MITF: variants seen among roughly 807,000 people sequenced by gnomAD.
MITF encodes melanocyte inducing transcription factor.
A neutral mutation model predicts 60.5 loss-of-function variants in MITF; 17 were observed. That is an observed-to-expected ratio of 0.28 (90% CI 0.19 to 0.42). The LOEUF (loss-of-function observed/expected upper bound fraction) is 0.42. Ranked by LOEUF, MITF falls within the 10% of genes least tolerant of loss-of-function variation. The pLI is 1.00. For missense variants in MITF, 622 were observed against 683.5 expected (o/e 0.91, Z 1.00); for synonymous variants, 260 against 248.5 (o/e 1.05, Z -0.43).
At chr3:69,763,607 C>A in intron 1 of MITF, 1 of 1,209,648 alleles carries the variant, frequency 8.3e-7, no homozygotes, top group South Asian at 1.9e-5. Flanking sequence ...TGTGGCAGAA[C>A]GTCTGCAATC....
chr3:69,875,463 T>A (rs1390187494), intron 1 of MITF, among the ~76,000 whole-genome samples: 1 of 152,172 alleles, frequency 6.6e-6, no homozygotes, highest in Non-Finnish European at 1.5e-5. Flanking sequence ...CACCTGGCAA[T>A]AACTATTTGT....
At chr3:69,782,267 G>A (rs987496514) in intron 1 of MITF, among the ~76,000 whole-genome samples, 2 of 152,200 alleles carry the variant, frequency 1.3e-5, no homozygotes, top group African/African-American at 2.4e-5. Flanking sequence ...CCCCTGACCT[G>A]TGGCTTCATA....
chr3:69,771,178 C>T (rs2062388089), intron 1 of MITF, among the ~76,000 whole-genome samples: 1 of 151,508 alleles, frequency 6.6e-6, no homozygotes. Flanking sequence ...GCCAGAGAGA[C>T]TTGGGCAACA....
chr3:69,892,023 A>G lies in MITF; in HGVS notation c.354+12640A>G, dbSNP rs539661607. On this transcript the variant is annotated intron_variant, in intron 2 of 9. Transcript: ENST00000352241. Reference sequence around the variant, plus strand: ...GGCCTTTCCAGGAACTCTGAGGGTCAGTGAATCCATTTGTCCACAAATATT... The same window carrying G: ...GGCCTTTCCAGGAACTCTGAGGGTCGGTGAATCCATTTGTCCACAAATATT... Among the ~76,000 whole-genome samples the G allele has an allele frequency of 2.0e-5, 3 of 152,360 alleles. 1 individual carries two copies. The highest frequency in any genetic ancestry group is 7.2e-5 in the African/African-American group (3 of 41,598).
chr3:69,943,916 A>C (rs1472901352), intron 5 of MITF, among the ~76,000 whole-genome samples: 1 of 152,008 alleles, frequency 6.6e-6, no homozygotes, highest in Non-Finnish European at 1.5e-5. Flanking sequence ...CTTAGAGAGA[A>C]TCCGTCTCTG....
At chr3:69,829,895 A>G (rs1448629930) in intron 1 of MITF, among the ~76,000 whole-genome samples, 3 of 152,146 alleles carry the variant, frequency 2.0e-5, no homozygotes, top group Non-Finnish European at 4.4e-5. Flanking sequence ...CAGTTTGGTG[A>G]TGACAGTGGG....
intron 1 of MITF, among the ~76,000 whole-genome samples, chr3:69,800,188 A>AT (rs2062895642): frequency 1.3e-5 from 2 of 152,166 alleles, no homozygotes; most frequent in African/African-American, 4.8e-5. Context: ...CATTTCATAT[A>AT]AATGGGATTA....
At chr3:69,887,074 T>C (rs1382424559) in intron 2 of MITF, among the ~76,000 whole-genome samples, 4 of 152,132 alleles carry the variant, frequency 2.6e-5, no homozygotes, top group Non-Finnish European at 4.4e-5. Flanking sequence ...ATTAGAGCTC[T>C]TGCCATATTT....
intron 1 of MITF, among the ~76,000 whole-genome samples, chr3:69,784,262 A>G (rs2062613416): frequency 6.6e-6 from 1 of 152,130 alleles, no homozygotes; most frequent in Non-Finnish European, 1.5e-5. Flanking sequence ...TTTTTTCAGG[A>G]TAACTCTGGC....
Position 69,871,373 on chromosome 3 carries a change from G to A in MITF, c.105-7761G>A, listed in dbSNP as rs77098281. 8.4e-4 allele frequency among the ~76,000 whole-genome samples: 128 copies of A among 152,266 alleles called. 1 individual carries two copies. The East Asian group carries it at 0.018, about 21-fold the overall frequency. ...ATGGATTTCCTGATTGGCCAGGGTC[G>A]TACTTCCATGTCTGGAGGTAGTGAC... On this transcript the variant is annotated intron_variant, in intron 1 of 9. Transcript: ENST00000352241.
intron 1 of MITF, among the ~76,000 whole-genome samples, chr3:69,870,218 G>GAA (rs2064199102): frequency 6.7e-6 from 1 of 148,182 alleles, no homozygotes. Flanking sequence ...AGAATGTTTT[G>GAA]AAAGTGCCAC....
intron 2 of MITF, among the ~76,000 whole-genome samples, chr3:69,887,573 A>G (rs1253236116): frequency 1.3e-5 from 2 of 152,126 alleles, no homozygotes; most frequent in African/African-American, 4.8e-5. Context: ...TTAGTAATTT[A>G]TAACTTTATG....
At chr3:69,805,845 G>A (rs957625362) in intron 1 of MITF, among the ~76,000 whole-genome samples, 1 of 151,838 alleles carries the variant, frequency 6.6e-6, no homozygotes, top group Non-Finnish European at 1.5e-5. Flanking sequence ...TTTTTTTGTG[G>A]AGACAAGATC....
At chr3:69,754,972 G>T (rs1704078760) in intron 1 of MITF, among the ~76,000 whole-genome samples, 1 of 152,154 alleles carries the variant, frequency 6.6e-6, no homozygotes, top group Non-Finnish European at 1.5e-5. Context: ...GGCTAAGGGA[G>T]GGAGGAGGGT....
intron 2 of MITF, among the ~76,000 whole-genome samples, chr3:69,882,737 C>T (rs1278896615): frequency 2.6e-5 from 4 of 152,136 alleles, no homozygotes; most frequent in Admixed American, 2.6e-4. Flanking sequence ...GCTAAAGCAT[C>T]ACGGTACAAA....
chr3:69,879,605 T>G (rs2064436744), intron 2 of MITF, among the ~76,000 whole-genome samples: 2 of 152,224 alleles, frequency 1.3e-5, no homozygotes, highest in Non-Finnish European at 2.9e-5. Context: ...GGAGTCAATG[T>G]TCCATGAGAA....
intron 2 of MITF, among the ~76,000 whole-genome samples, chr3:69,903,126 A>G (rs981932604): frequency 1.3e-5 from 2 of 152,198 alleles, no homozygotes; most frequent in Non-Finnish European, 1.5e-5. Flanking sequence ...TGCAATGTGT[A>G]TCATAAGAAC....
Position 69,949,103 on chromosome 3 carries a change from C to T in MITF, c.815C>T (p.Pro272Leu), listed in dbSNP as rs768418058. The change falls in exon 6 of 10, where the codon CCA becomes CTA. Residue 272 changes from proline (P) to leucine (L), a missense_variant. Pro to Leu is a moderately conservative substitution (Grantham distance 98, BLOSUM62 -3). Around this residue, in one of 5 missense-constraint regions of MITF, gnomAD observed 215 missense variants for 224.8 expected, o/e 0.96. Transcript: ENST00000352241. ...CTTTATGGAAACCAAGGTCTGCCCC[C>T]ACCAGGCCTCACCATCAGCAACTCC... Reference protein sequence around the residue: ...IDLYGNQGLPPPGLTISNSCP... With the variant: ...IDLYGNQGLPLPGLTISNSCP... The T allele has an allele frequency of 5.6e-6, 9 of 1,613,806 alleles. No homozygotes were observed. The highest frequency in any genetic ancestry group is 7.6e-6 in the Non-Finnish European group (9 of 1,179,876).
At chr3:69,866,159 C>A in intron 1 of MITF, 2 of 1,521,104 alleles carry the variant, frequency 1.3e-6, no homozygotes, top group Non-Finnish European at 1.8e-6. Flanking sequence ...ACCGTTCTAG[C>A]ACAGAGCTGT....
Sources: gnomAD v4.1 joint callset for allele counts (sites outside exome capture counted in the v4.1 genomes callset) on GRCh38, gnomAD v4.1.1 for gene constraint, gnomAD v4.1.1 regional missense constraint, MANE v1.5 for transcripts, NCBI Gene and HGNC (gene_info 2026-07-23, HGNC 2026-07-21) for gene names.